CASK: variants seen among roughly 807,000 people sequenced by gnomAD.
CASK encodes calcium/calmodulin dependent serine protein kinase.
Under a neutral mutation model 82.9 loss-of-function variants are expected in CASK, and 4 were observed. The observed-to-expected ratio is 0.05, with a 90% CI of 0.02 to 0.11. The LOEUF (loss-of-function observed/expected upper bound fraction) is 0.11. Among genes scored for constraint, CASK ranks in the 10% least tolerant of loss-of-function variants. The pLI, the probability that CASK is intolerant of heterozygous loss-of-function variation, is 1.00. For synonymous variants in CASK, 259 were observed against 253.5 expected (o/e 1.02, Z -0.20); for missense variants, 358 against 720.9 (o/e 0.50, Z 5.76).
intron 7 of CASK, among the ~76,000 whole-genome samples, chrX:41,663,796 TA>T (rs769397378): frequency 1.8e-5 from 2 of 112,205 alleles, no homozygotes; most frequent in Admixed American, 1.9e-4. Context: ...TTTACTTATG[TA>T]AAGTATGCTA....
chrX:41,777,969 T>C (rs2069397136), intron 3 of CASK, among the ~76,000 whole-genome samples: 1 of 111,602 alleles, frequency 9.0e-6, no homozygotes, highest in Non-Finnish European at 1.9e-5. Flanking sequence ...ACAATGTTAA[T>C]GTTGAACTAT....
intron 11 of CASK, among the ~76,000 whole-genome samples, chrX:41,612,528 T>TGGGG (rs1362052820): frequency 1.1e-5 from 1 of 93,416 alleles, no homozygotes; most frequent in African/African-American, 4.1e-5. Context: ...GGGAAGGAGG[T>TGGGG]GGGGGTCAGC....
At chrX:41,890,728 T>G (rs1026675632) in intron 1 of CASK, among the ~76,000 whole-genome samples, 3 of 111,531 alleles carry the variant, frequency 2.7e-5, no homozygotes, top group Non-Finnish European at 3.8e-5. Flanking sequence ...AGAAACCTAA[T>G]GAATGCCTGC....
At chrX:41,747,730 T>C (rs1355470237) in intron 3 of CASK, among the ~76,000 whole-genome samples, 8 of 112,647 alleles carry the variant, frequency 7.1e-5, no homozygotes, top group Non-Finnish European at 1.5e-4. Flanking sequence ...CATGAGCCAC[T>C]GCGCCCGGCC....
At chrX:41,572,035 A>T (rs1470656549) in intron 15 of CASK, among the ~76,000 whole-genome samples, 3 of 109,968 alleles carry the variant, frequency 2.7e-5, no homozygotes, top group Non-Finnish European at 5.7e-5. Flanking sequence ...AAGCTACTCC[A>T]GCTACCTTTT....
intron 1 of CASK, among the ~76,000 whole-genome samples, chrX:41,906,323 A>G (rs2072469804): frequency 8.9e-6 from 1 of 112,236 alleles, no homozygotes. Flanking sequence ...ATATGGTTTT[A>G]AAAGTACACA....
At chrX:41,796,461 A>G (rs2069855288) in intron 2 of CASK, among the ~76,000 whole-genome samples, 1 of 112,340 alleles carries the variant, frequency 8.9e-6, no homozygotes, top group Non-Finnish European at 1.9e-5. Flanking sequence ...TTAGTAAACC[A>G]CACTGCTATA....
At chrX:41,625,865 C>T (rs5964023) in intron 10 of CASK, among the ~76,000 whole-genome samples, 2,721 of 107,274 alleles carry the variant, frequency 0.025, 101 homozygotes, top group African/African-American at 0.088. Flanking sequence ...CTGCAACCTC[C>T]GCCTCCCGGG....
At chrX:41,768,447 T>C (rs2069155130) in intron 3 of CASK, among the ~76,000 whole-genome samples, 1 of 111,032 alleles carries the variant, frequency 9.0e-6, no homozygotes, top group Admixed American at 9.7e-5. Flanking sequence ...TATGTGTATG[T>C]GTGCGTGTGT....
intron 3 of CASK, among the ~76,000 whole-genome samples, chrX:41,763,952 C>T (rs774260983): frequency 8.9e-6 from 1 of 111,906 alleles, no homozygotes; most frequent in Admixed American, 9.5e-5. Flanking sequence ...CAGTATAGGC[C>T]TTTCCATTTG....
intron 2 of CASK, among the ~76,000 whole-genome samples, chrX:41,827,201 C>A (rs886309557): frequency 4.5e-5 from 5 of 111,679 alleles, no homozygotes; most frequent in African/African-American, 1.6e-4. Flanking sequence ...GAAACATACA[C>A]TAGAGAAAAG....
chrX:41,591,354 A>G (rs1384022350), intron 12 of CASK, among the ~76,000 whole-genome samples: 1 of 112,554 alleles, frequency 8.9e-6, no homozygotes, highest in Non-Finnish European at 1.9e-5. Flanking sequence ...ATGCAAAACC[A>G]AAAAAACTAA....
intron 2 of CASK, among the ~76,000 whole-genome samples, chrX:41,841,866 A>T (rs2071046804): frequency 8.9e-6 from 1 of 111,810 alleles, no homozygotes; most frequent in Non-Finnish European, 1.9e-5. Context: ...TAAAAATTTT[A>T]AATTATGATG....
intron 12 of CASK, among the ~76,000 whole-genome samples, chrX:41,600,133 G>A (rs941153535): frequency 8.9e-6 from 1 of 111,914 alleles, no homozygotes; most frequent in Non-Finnish European, 1.9e-5. Flanking sequence ...GTTACATTAG[G>A]TGTGTCAGAT....
At chrX:41,868,631 C>T (rs2071636194) in intron 1 of CASK, among the ~76,000 whole-genome samples, 1 of 111,455 alleles carries the variant, frequency 9.0e-6, no homozygotes, top group Admixed American at 9.5e-5. Context: ...CTCAAAAGAC[C>T]TGGGGCTGCA....
At chrX:41,538,331 G>A (rs1414548176) in intron 22 of CASK, among the ~76,000 whole-genome samples, 1 of 111,985 alleles carries the variant, frequency 8.9e-6, no homozygotes, top group Non-Finnish European at 1.9e-5. Context: ...TCAAATATGT[G>A]TATGTAAATA....
chrX:41,581,093 T>A (rs2065570188), intron 14 of CASK, among the ~76,000 whole-genome samples: 1 of 111,951 alleles, frequency 8.9e-6, no homozygotes, highest in African/African-American at 3.2e-5. Context: ...AGATACAGAT[T>A]TTAGGCCAGG....
chrX:41,872,684 T>C (rs1299051622), intron 1 of CASK, among the ~76,000 whole-genome samples: 1 of 111,723 alleles, frequency 9.0e-6, no homozygotes, highest in Non-Finnish European at 1.9e-5. Flanking sequence ...AATGGACCAA[T>C]ATTGATACAT....
chrX:41,884,760 C>T (rs762278355), intron 1 of CASK, among the ~76,000 whole-genome samples: 5 of 111,324 alleles, frequency 4.5e-5, no homozygotes, highest in South Asian at 3.8e-4. Context: ...CTGCCTGGAA[C>T]GCAAATGGGA....
Sources: allele counts gnomAD v4.1 joint callset (sites outside exome capture counted in the v4.1 genomes callset), GRCh38; gene constraint gnomAD v4.1.1; transcripts MANE v1.5; gene names NCBI Gene and HGNC (gene_info 2026-07-23, HGNC 2026-07-21).